Variants in MAPK8 observed in about 807,000 individuals in gnomAD.
MAPK8 encodes the protein JUN N-terminal kinase.
In MAPK8, 13 loss-of-function variants were observed where a neutral mutation model predicts 52.9. That is an observed-to-expected ratio of 0.25 (90% CI 0.16 to 0.39). The LOEUF (loss-of-function observed/expected upper bound fraction) is 0.39. Ranked by LOEUF, MAPK8 falls within the 10% of genes least tolerant of loss-of-function variation. MAPK8 has a pLI of 1.00. For synonymous variants in MAPK8, 191 were observed against 169.8 expected (o/e 1.12, Z -0.97); for missense variants, 300 against 519.2 (o/e 0.58, Z 4.10).
intron 3 of MAPK8, among the ~76,000 whole-genome samples, chr10:48,406,347 C>T (rs2042470839): frequency 6.6e-6 from 1 of 152,148 alleles, no homozygotes; most frequent in African/African-American, 2.4e-5. Flanking sequence ...GGCCTGTGAA[C>T]GCAGTTCCAT....
intron 5 of MAPK8, among the ~76,000 whole-genome samples, chr10:48,411,786 TTTTC>T (rs1311853851): frequency 6.6e-6 from 1 of 151,854 alleles, no homozygotes; most frequent in African/African-American, 2.4e-5. Context: ...TTCTTTTTTC[TTTTC>T]TTTCTTTTCT....
chr10:48,324,503 G>GTTTTTTTTTTTTTGGGTTTTTTTTTTTT (rs529248037), intron 1 of MAPK8, among the ~76,000 whole-genome samples: 1 of 118,020 alleles, frequency 8.5e-6, no homozygotes, highest in Non-Finnish European at 1.7e-5. Flanking sequence ...CTGTTTTCTA[G>GTTTTTTTTTTTTTGGGTTTTTTTTTTTT]TTTTTTTTTT....
intron 1 of MAPK8, among the ~76,000 whole-genome samples, chr10:48,327,149 G>A (rs898016557): frequency 6.6e-6 from 1 of 152,128 alleles, no homozygotes; most frequent in African/African-American, 2.4e-5. Context: ...CCTTATTCTT[G>A]TTCTTGGGGG....
intron 1 of MAPK8, chr10:48,325,833 T>C (rs1439536152): frequency 6.6e-6 from 1 of 152,252 alleles, no homozygotes; most frequent in Admixed American, 6.5e-5. Flanking sequence ...TGTGATTACC[T>C]TGACTGCTCA....
At chr10:48,375,260 A>G (rs991774952) in intron 1 of MAPK8, among the ~76,000 whole-genome samples, 1 of 152,230 alleles carries the variant, frequency 6.6e-6, no homozygotes, top group African/African-American at 2.4e-5. Flanking sequence ...AGAGCTATTT[A>G]TGACAAACCC....
At chr10:48,390,921 C>T (rs939900471) in intron 1 of MAPK8, among the ~76,000 whole-genome samples, 6 of 152,106 alleles carry the variant, frequency 3.9e-5, no homozygotes, top group African/African-American at 1.4e-4. Flanking sequence ...TCAGAAAGAC[C>T]ATAGTCTGAT....
chr10:48,341,080 TC>T (rs1845208002), intron 1 of MAPK8, among the ~76,000 whole-genome samples: 1 of 152,250 alleles, frequency 6.6e-6, no homozygotes, highest in African/African-American at 2.4e-5. Context: ...GTAAATCTGA[TC>T]CCAATTACTC....
intron 1 of MAPK8, among the ~76,000 whole-genome samples, chr10:48,314,935 TTTA>T (rs1248477077): frequency 6.6e-6 from 1 of 152,256 alleles, no homozygotes; most frequent in African/African-American, 2.4e-5. Flanking sequence ...CCCTACACCA[TTTA>T]TTAAATAATC....
intron 1 of MAPK8, among the ~76,000 whole-genome samples, chr10:48,371,179 A>G (rs949243162): frequency 6.6e-6 from 1 of 152,158 alleles, no homozygotes; most frequent in Non-Finnish European, 1.5e-5. Context: ...TCCCCAATAT[A>G]CTGATATTTT....
intron 1 of MAPK8, among the ~76,000 whole-genome samples, chr10:48,309,252 C>T (rs756909402): frequency 1.2e-4 from 18 of 152,210 alleles, no homozygotes; most frequent in Admixed American, 2.6e-4. Context: ...AGTATTTTCA[C>T]AGTGTTGTGC....
chr10:48,345,266 T>C (rs1463362532), intron 1 of MAPK8, among the ~76,000 whole-genome samples: 1 of 152,216 alleles, frequency 6.6e-6, no homozygotes, highest in Non-Finnish European at 1.5e-5. Flanking sequence ...TTCTGTGAAT[T>C]ACCCACTTTA....
intron 1 of MAPK8, among the ~76,000 whole-genome samples, chr10:48,336,583 T>A (rs2132296290): frequency 6.6e-6 from 1 of 152,300 alleles, no homozygotes; most frequent in East Asian, 1.9e-4. Flanking sequence ...CTCTAAAAAA[T>A]ATTTATTCAT....
chr10:48,439,007 A>C lies in MAPK8; in HGVS notation c.*3978A>C, dbSNP rs188723855. 1.3e-5 allele frequency: 2 copies of C among 152,280 alleles called. No homozygotes were observed. Among genetic ancestry groups the C allele is most frequent in the Non-Finnish European group, 2.9e-5 (2 of 68,028 alleles). The allele number at this position is 152,280 out of a possible 1,614,324, so 9.4% of individuals were successfully genotyped here. A position where few individuals can be genotyped will look rare whatever the true frequency, so the allele number is the denominator to read the frequency against. On this transcript the variant is annotated 3_prime_UTR_variant, in exon 12 of 12. Transcript: ENST00000374189. ...TTAGCTGAATAATGAAGTTAGACTG[A>C]ATTACGTGTCTCCCTGGACTGTGAC...
chr10:48,337,990 GA>G (rs761915611), intron 1 of MAPK8, among the ~76,000 whole-genome samples: 32 of 152,012 alleles, frequency 2.1e-4, no homozygotes, highest in Middle Eastern at 3.4e-3. Context: ...GAACCAAAAG[GA>G]TTCATAGCCA....
Position 48,404,872 on chromosome 10 carries a change from T to G in MAPK8, c.143T>G (p.Leu48Arg). The G allele has an allele frequency of 6.2e-7, 1 of 1,606,904 alleles. No individual in the cohort carries two copies. The change falls in exon 3 of 12, where the codon CTT (leucine) becomes CGT (arginine). Residue 48 changes from leucine to arginine, a missense_variant. Leu to Arg is a moderately radical substitution (Grantham distance 102, BLOSUM62 -2). Around this residue, in one of 3 missense-constraint regions of MAPK8, gnomAD observed 147 missense variants for 328.1 expected, o/e 0.45. Coordinates refer to ENST00000374189, the MANE Select transcript of MAPK8 (RefSeq NM_001323329.2). ...GIVCAAYDAI[L>R]ERNVAIKKLS... The stretch of plus-strand genomic sequence containing the variant: ...TACAGCGCAGCTTATGATGCCATTC[T>G]TGAAAGAAATGTTGCAATCAAGAAG...
intron 1 of MAPK8, among the ~76,000 whole-genome samples, chr10:48,369,763 TAGAAACCCA>T (rs1386005569): frequency 1.3e-5 from 2 of 152,112 alleles, no homozygotes; most frequent in Non-Finnish European, 2.9e-5. Flanking sequence ...GCAGTGTTTT[TAGAAACCCA>T]AGAAAAGTGC....
At position 48,413,855 on chromosome 10, in the gene MAPK8, A is replaced by ATATATG. The variant is rs2133116994; in HGVS notation, c.450+3692_450+3693insGTATAT. Among the ~76,000 whole-genome samples the ATATATG allele has an allele frequency of 3.2e-5, 4 of 126,020 alleles. No individual in the cohort carries two copies. The South Asian group carries it at 7.9e-4, about 25-fold the overall frequency. 82.7% of individuals were successfully genotyped at this position (126,020 alleles called of 152,430 possible). ...TATATATATATATATATATATATATATATATTCAGAAATATTTTATATTTT... is the reference window on the plus strand; with the variant it reads ...TATATATATATATATATATATATATATATATGTATATTCAGAAATATTTTATATTTT... On this transcript the variant is annotated intron_variant, in intron 5 of 11. Transcript: ENST00000374189.
At chr10:48,378,449 A>G (rs1189171392) in intron 1 of MAPK8, among the ~76,000 whole-genome samples, 1 of 152,226 alleles carries the variant, frequency 6.6e-6, no homozygotes, top group Admixed American at 6.5e-5. Context: ...CAGAAATATA[A>G]TGCACACATT....
chr10:48,433,772 G>C (rs953387933), intron 11 of MAPK8, among the ~76,000 whole-genome samples: 1 of 152,190 alleles, frequency 6.6e-6, no homozygotes. Flanking sequence ...AGAATGGAGG[G>C]ATGATCTCAA....
Sources: allele counts gnomAD v4.1 joint callset (sites outside exome capture counted in the v4.1 genomes callset), GRCh38; gene constraint gnomAD v4.1.1; regional missense constraint gnomAD v4.1.1; transcripts MANE v1.5; gene names NCBI Gene and HGNC (gene_info 2026-07-23, HGNC 2026-07-21).